ROPN1: variants seen among roughly 807,000 people sequenced by gnomAD.
The protein encoded by ROPN1 is rhophilin associated tail protein 1.
Under a neutral mutation model 20.5 loss-of-function variants are expected in ROPN1, and 14 were observed. That is an observed-to-expected ratio of 0.68 (90% CI 0.45 to 1.07). The LOEUF (loss-of-function observed/expected upper bound fraction) is 1.07, where lower values mean the gene tolerates loss of function less well. Among genes scored for constraint, ROPN1 ranks in the 50% least tolerant of loss-of-function variants. ROPN1 has a pLI of 0.00. For missense variants in ROPN1, 169 were observed against 242.8 expected, an observed-to-expected ratio of 0.70 and a Z score of 2.02; for synonymous variants, 76 against 95.7, an observed-to-expected ratio of 0.79 and a Z score of 1.20.
chr3:123,975,360 A>G lies in ROPN1; in HGVS notation c.396+19T>C, dbSNP rs202197412. On this transcript the variant is annotated intron_variant, in intron 4 of 5. Transcript: ENST00000405845. ...GGAGATTTCCCCTTCAGGAACAAAA[A>G]ACAGTCAAGCTAACTTACAACTCCC... The G allele has an allele frequency of 9.6e-4, 744 of 773,980 alleles. 1 individual carries two copies. Among genetic ancestry groups the G allele is most frequent in the Middle Eastern group, 2.7e-3 (7 of 2,626 alleles). The allele number at this position is 773,980 out of a possible 1,614,324, so 47.9% of individuals were successfully genotyped here.
rs2038216703 is a variant in ROPN1 at position 123,984,771 on chromosome 3, A to G, written c.-12-4278T>C. 2.6e-5 allele frequency among the ~76,000 whole-genome samples: 4 copies of G among 152,238 alleles called. 1 individual carries two copies. In the South Asian group the frequency reaches 8.3e-4, roughly 32 times the overall value. On this transcript the variant is annotated intron_variant, in intron 1 of 5. Transcript: ENST00000405845. Reference sequence around the variant, plus strand: ...TCCAAAAAAAAAAATTATATATCCAAAGCTTAACACTGTCTCGCCCACTGT... The same window carrying G: ...TCCAAAAAAAAAAATTATATATCCAGAGCTTAACACTGTCTCGCCCACTGT...
At chr3:123,977,917 CAT>C in intron 2 of ROPN1, among the ~76,000 whole-genome samples, 1 of 152,278 alleles carries the variant, frequency 6.6e-6, no homozygotes, top group Non-Finnish European at 1.5e-5. Context: ...GAGCCGCTGA[CAT>C]GTGGGTCACC....
At chr3:123,978,556 T>A (rs1250463234) in intron 2 of ROPN1, 1 of 153,798 alleles carries the variant, frequency 6.5e-6, no homozygotes, top group East Asian at 1.9e-4. Context: ...AAATTTGTGT[T>A]GTAACACATG....
intron 1 of ROPN1, among the ~76,000 whole-genome samples, chr3:123,987,097 A>AAC (rs2038278139): frequency 6.6e-6 from 1 of 152,186 alleles, no homozygotes; most frequent in Non-Finnish European, 1.5e-5. Flanking sequence ...CTGTACTACA[A>AAC]ACACTCCCAC....
At chr3:123,976,598 G>A (rs530886980) in intron 3 of ROPN1, among the ~76,000 whole-genome samples, 2 of 152,332 alleles carry the variant, frequency 1.3e-5, no homozygotes, top group African/African-American at 2.4e-5. Flanking sequence ...CTGGAGAGAC[G>A]AGATTAGCAT....
At chr3:123,982,388 A>G (rs2038168589) in intron 1 of ROPN1, among the ~76,000 whole-genome samples, 1 of 152,142 alleles carries the variant, frequency 6.6e-6, no homozygotes, top group African/African-American at 2.4e-5. Flanking sequence ...TATAATAAAG[A>G]GTAAGGAATG....
At chr3:123,971,075 T>C (rs1002961966) in intron 4 of ROPN1, among the ~76,000 whole-genome samples, 3 of 152,162 alleles carry the variant, frequency 2.0e-5, no homozygotes, top group Middle Eastern at 3.2e-3. Flanking sequence ...CTTCCAGGGA[T>C]CAGTGAAAGA....
intron 1 of ROPN1, among the ~76,000 whole-genome samples, chr3:123,984,366 C>T (rs976990851): frequency 2.0e-5 from 3 of 152,190 alleles, no homozygotes; most frequent in Non-Finnish European, 4.4e-5. Flanking sequence ...ATCTCTCAGT[C>T]CTTTGGCCTC....
At chr3:123,983,170 A>G (rs866370194) in intron 1 of ROPN1, among the ~76,000 whole-genome samples, 3 of 152,222 alleles carry the variant, frequency 2.0e-5, no homozygotes, top group South Asian at 2.1e-4. Context: ...TCATAGGTCA[A>G]TGGACAGTCG....
chr3:123,980,506 GA>G lies in ROPN1; in HGVS notation c.-12-14del, dbSNP rs769179802. On this transcript the variant is annotated splice_polypyrimidine_tract_variant and intron_variant, in intron 1 of 5. Transcript: ENST00000405845. The stretch of plus-strand genomic sequence containing the variant: ...TTGATTGGTTGGCCTATTCTCAGGA[GA>G]AAAAAATACGTTAAGATGAAAACTT... 3.1e-6 allele frequency: 5 copies of G among 1,606,898 alleles called. No homozygotes were observed. In the African/African-American group the frequency reaches 4.0e-5, roughly 13 times the overall value.
intron 4 of ROPN1, among the ~76,000 whole-genome samples, chr3:123,973,193 A>G (rs528833547): frequency 1.3e-5 from 2 of 152,286 alleles, no homozygotes; most frequent in East Asian, 3.9e-4. Flanking sequence ...CCAACCCCAC[A>G]TTTAAGATCC....
chr3:123,988,660 G>A (rs948903189), intron 1 of ROPN1, among the ~76,000 whole-genome samples: 2 of 152,144 alleles, frequency 1.3e-5, no homozygotes, highest in African/African-American at 4.8e-5. Context: ...ACTCTTGACT[G>A]TGAGGCAGGA....
chr3:123,969,212 A>G lies in ROPN1; in HGVS notation c.582T>C (p.Pro194=), dbSNP rs958158614. 9 of 1,613,656 alleles carry G rather than the reference A, an allele frequency of 5.6e-6. No individual in the cohort carries two copies. The African/African-American group carries it at 9.3e-5, about 17-fold the overall frequency. ...AGTCATTCACTGTGATTATACCATC[A>G]GGGCCAATTCTGTTTGGAAAAAGGT... The part of the protein sequence containing the change: ...LNYMEQEVIG[P]DGIITVNDFT... Residue 194 remains proline (P), a synonymous_variant, in exon 6 of 6, where the codon CCT becomes CCC. Coordinates refer to ENST00000405845, the MANE Select transcript of ROPN1 (RefSeq NM_001317774.2).
At chr3:123,983,344 A>G (rs1353884808) in intron 1 of ROPN1, among the ~76,000 whole-genome samples, 1 of 151,296 alleles carries the variant, frequency 6.6e-6, no homozygotes, top group African/African-American at 2.5e-5. Flanking sequence ...GAACTGCCAC[A>G]CTGTTTTCCA....
intron 1 of ROPN1, among the ~76,000 whole-genome samples, chr3:123,982,737 T>C (rs1485141815): frequency 4.6e-5 from 7 of 152,208 alleles, no homozygotes; most frequent in South Asian, 2.1e-4. Flanking sequence ...TAAAAATACA[T>C]ACAATTTACC....
chr3:123,969,704 G>A (rs1031023194), intron 5 of ROPN1, among the ~76,000 whole-genome samples: 53 of 152,234 alleles, frequency 3.5e-4, no homozygotes, highest in African/African-American at 1.2e-3. Flanking sequence ...AGTTACTAGG[G>A]GGGCTTATAA....
chr3:123,971,488 C>T (rs1308963969), intron 4 of ROPN1, among the ~76,000 whole-genome samples: 1 of 152,154 alleles, frequency 6.6e-6, no homozygotes, highest in Non-Finnish European at 1.5e-5. Context: ...AGGCAGGCCA[C>T]CTTCCTTTCC....
chr3:123,989,798 C>T (rs1020893334), intron 1 of ROPN1, among the ~76,000 whole-genome samples: 1 of 152,162 alleles, frequency 6.6e-6, no homozygotes, highest in Non-Finnish European at 1.5e-5. Flanking sequence ...TTTTGCCTGC[C>T]TGGCACCTCA....
chr3:123,969,282 T>C (rs1455712162), intron 5 of ROPN1, 61 bp from the exon 6 acceptor site: 5 of 1,281,224 alleles, frequency 3.9e-6, no homozygotes, highest in Non-Finnish European at 5.7e-6. Context: ...AGAAAGACAA[T>C]ATGCAAACAA....
Sources: gnomAD v4.1 joint callset for allele counts (sites outside exome capture counted in the v4.1 genomes callset) on GRCh38, gnomAD v4.1.1 for gene constraint, MANE v1.5 for transcripts, NCBI Gene and HGNC (gene_info 2026-07-23, HGNC 2026-07-21) for gene names.